PDE1C: variants seen among roughly 807,000 people sequenced by gnomAD.
The protein encoded by PDE1C is dual specificity calcium/calmodulin-dependent 3',5'-cyclic nucleotide phosphodiesterase 1C.
Under a neutral mutation model 93.1 loss-of-function variants are expected in PDE1C, and 62 were observed. The ratio of observed to expected loss-of-function variants is 0.67; its 90% CI spans 0.54 to 0.82. PDE1C has a LOEUF of 0.82. Among genes scored for constraint, PDE1C ranks in the 40% least tolerant of loss-of-function variants. PDE1C has a pLI of 0.00. For missense variants in PDE1C, 742 were observed against 884.6 expected, an observed-to-expected ratio of 0.84 and a Z score of 2.04; for synonymous variants, 325 against 310.1, an observed-to-expected ratio of 1.05 and a Z score of -0.50.
intron 11 of PDE1C, among the ~76,000 whole-genome samples, chr7:31,836,390 G>A (rs918558914): frequency 7.9e-5 from 12 of 151,994 alleles, no homozygotes; most frequent in Non-Finnish European, 8.8e-5. Context: ...GCTGGAGTAC[G>A]GCAGTGCGAT....
At chr7:32,269,808 C>T (rs1423583229) in intron 1 of PDE1C, among the ~76,000 whole-genome samples, 1 of 152,058 alleles carries the variant, frequency 6.6e-6, no homozygotes, top group Non-Finnish European at 1.5e-5. Context: ...GCATCTCACT[C>T]TGTTGCCCAG....
At chr7:31,656,524 G>C in the PDE1C span, 1 of 886,688 alleles carries the variant, frequency 1.1e-6, no homozygotes, top group Admixed American at 1.5e-4. Flanking sequence ...TCCTTCTGTT[G>C]AAAAGAACTG....
At chr7:32,070,905 C>CCGCCCCGCGCCCAG (rs1477278635), upstream of PDE1C, 15 of 985,462 alleles carry the variant, frequency 1.5e-5, no homozygotes, top group Non-Finnish European at 1.8e-5. Context: ...GCACCCGGCT[C>CCGCCCCGCGCCCAG]CGCCCCGCGC....
At chr7:32,197,607 T>A (rs1404041473) in intron 2 of PDE1C, among the ~76,000 whole-genome samples, 2 of 152,188 alleles carry the variant, frequency 1.3e-5, no homozygotes, top group Non-Finnish European at 2.9e-5. Context: ...GGGAATATTG[T>A]CCTGCAATAT....
intron 1 of PDE1C, among the ~76,000 whole-genome samples, chr7:32,341,014 G>A (rs961993982): frequency 1.3e-5 from 2 of 152,006 alleles, no homozygotes; most frequent in African/African-American, 2.4e-5. Flanking sequence ...GGGTGATAAT[G>A]ATGTGTCCAT....
intron 2 of PDE1C, among the ~76,000 whole-genome samples, chr7:31,900,655 A>T (rs1050516088): frequency 2.0e-5 from 3 of 151,782 alleles, no homozygotes; most frequent in Non-Finnish European, 4.4e-5. Context: ...ATACATATTC[A>T]TATATAGCAA....
chr7:32,073,193 G>T (rs1372869767), upstream of PDE1C, among the ~76,000 whole-genome samples: 2 of 152,124 alleles, frequency 1.3e-5, no homozygotes, highest in African/African-American at 2.4e-5. Context: ...GACTTTTGCT[G>T]CAATTAAGCA....
chr7:32,309,295 A>G (rs952306783), intron 1 of PDE1C, among the ~76,000 whole-genome samples: 4 of 152,224 alleles, frequency 2.6e-5, no homozygotes, highest in Admixed American at 6.5e-5. Context: ...AAAGTGACAG[A>G]GAGAATGGAA....
intron 11 of PDE1C, among the ~76,000 whole-genome samples, chr7:31,835,087 C>T (rs564445624): frequency 2.0e-5 from 3 of 150,716 alleles, no homozygotes; most frequent in South Asian, 2.1e-4. Flanking sequence ...TGCTGGCCAC[C>T]GTGCAAGACA....
rs1204630246 is a variant in PDE1C at position 32,005,578 on chromosome 7, A to AAAAAAAAAAAAAAC, written c.128+45975_128+45976insGTTTTTTTTTTTTT. 3.0e-3 allele frequency among the ~76,000 whole-genome samples: 316 copies of AAAAAAAAAAAAAAC among 103,762 alleles called. 39 individuals carry two copies. The highest frequency in any genetic ancestry group is 4.6e-3 in the Non-Finnish European group (230 of 49,872). The allele number at this position is 103,762 out of a possible 152,430, so 68.1% of individuals were successfully genotyped here. On this transcript the variant is annotated intron_variant, in intron 2 of 17. Transcript: ENST00000396191. ...TTCAAAAAAAAAAAAAAAAAAAAAA[A>AAAAAAAAAAAAAAC]AAAGAATTGTGATCTGAGAAATCAC...
intron 3 of PDE1C, among the ~76,000 whole-genome samples, chr7:32,115,475 G>C (rs749737393): frequency 6.6e-6 from 1 of 152,018 alleles, no homozygotes; most frequent in African/African-American, 2.4e-5. Flanking sequence ...TTGAGGGGAG[G>C]GGAGTGAGGG....
At chr7:32,212,649 T>C (rs1459573017) in intron 1 of PDE1C, among the ~76,000 whole-genome samples, 1 of 152,184 alleles carries the variant, frequency 6.6e-6, no homozygotes, top group Admixed American at 6.5e-5. Flanking sequence ...CCTGCCTGGC[T>C]CTGGCTCCTG....
intron 2 of PDE1C, among the ~76,000 whole-genome samples, chr7:32,200,593 T>G (rs1804940293): frequency 6.6e-6 from 1 of 152,308 alleles, no homozygotes; most frequent in East Asian, 1.9e-4. Context: ...CAACTACCCA[T>G]TTTGCTCAAA....
chr7:31,865,992 T>C (rs1342397821), intron 6 of PDE1C, among the ~76,000 whole-genome samples: 1 of 152,208 alleles, frequency 6.6e-6, no homozygotes. Flanking sequence ...TTAGATTAAT[T>C]GTTTTGTCGT....
intron 3 of PDE1C, among the ~76,000 whole-genome samples, chr7:32,088,090 T>C (rs1797231129): frequency 6.6e-6 from 1 of 152,090 alleles, no homozygotes; most frequent in Admixed American, 6.5e-5. Context: ...TTCAATTTTA[T>C]TATAAATTTG....
chr7:32,297,590 A>G (rs1164877141), intron 1 of PDE1C, among the ~76,000 whole-genome samples: 3 of 152,132 alleles, frequency 2.0e-5, no homozygotes, highest in Admixed American at 1.3e-4. Context: ...AGGTAGAAGT[A>G]TCAAGCACCC....
chr7:31,871,926 C>T (rs1795997579), intron 6 of PDE1C, among the ~76,000 whole-genome samples: 1 of 152,120 alleles, frequency 6.6e-6, no homozygotes, highest in South Asian at 2.1e-4. Flanking sequence ...TCTGCACCCT[C>T]ATTTTTATTG....
In PDE1C at chr7:32,330,913, G is replaced by A. The variant is rs140248891; in HGVS notation, c.310+96909C>T. 5.2e-3 allele frequency among the ~76,000 whole-genome samples: 795 copies of A among 152,264 alleles called. 1 individual carries two copies. Among genetic ancestry groups the A allele is most frequent in the Middle Eastern group, 0.01 (3 of 294 alleles). ...AACTCCACAAGGCCATCGGTCCCCTGGGAAGATTTCCTTCTGCTTATGCAC... is the reference window on the plus strand; with the variant it reads ...AACTCCACAAGGCCATCGGTCCCCTAGGAAGATTTCCTTCTGCTTATGCAC... On this transcript the variant is annotated intron_variant, in intron 1 of 1. Coordinates refer to the PDE1C transcript ENST00000672256.
At chr7:31,887,769 A>G (rs1798132973) in intron 2 of PDE1C, among the ~76,000 whole-genome samples, 2 of 152,178 alleles carry the variant, frequency 1.3e-5, no homozygotes, top group South Asian at 4.1e-4. Context: ...CAACAATGAA[A>G]CACAATTTTG....
Sources: allele counts gnomAD v4.1 joint callset (sites outside exome capture counted in the v4.1 genomes callset), GRCh38; gene constraint gnomAD v4.1.1; transcripts MANE v1.5; gene names NCBI Gene and HGNC (gene_info 2026-07-23, HGNC 2026-07-21).